RGS7: variants seen among roughly 807,000 people sequenced by gnomAD.
The protein encoded by RGS7 is regulator of G protein signaling 7.
Under a neutral mutation model 81.1 loss-of-function variants are expected in RGS7, and 27 were observed. That is an observed-to-expected ratio of 0.33 (90% CI 0.25 to 0.46). The LOEUF is 0.46. Among genes scored for constraint, RGS7 ranks in the 20% least tolerant of loss-of-function variants. The pLI, the probability that RGS7 is intolerant of heterozygous loss-of-function variation, is 1.00. For synonymous variants in RGS7, 208 were observed against 207.7 expected (o/e 1.00, Z -0.01); for missense variants, 396 against 607.4 (o/e 0.65, Z 3.66).
At chr1:241,061,444 T>C (rs1041416302) in intron 3 of RGS7, among the ~76,000 whole-genome samples, 3 of 152,172 alleles carry the variant, frequency 2.0e-5, no homozygotes, top group African/African-American at 7.2e-5. Context: ...ATGGACAAGT[T>C]CAGAGCTTTA....
intron 2 of RGS7, among the ~76,000 whole-genome samples, chr1:241,263,530 A>C (rs1002383163): frequency 2.2e-4 from 33 of 152,164 alleles, no homozygotes; most frequent in African/African-American, 8.0e-4. Context: ...CTGTGTGGAA[A>C]CCAGTACTTA....
intron 6 of RGS7, among the ~76,000 whole-genome samples, chr1:240,893,865 C>T (rs900367738): frequency 6.6e-6 from 1 of 152,152 alleles, no homozygotes; most frequent in Admixed American, 6.6e-5. Flanking sequence ...TTGACTTGAA[C>T]TTCAAAATTA....
chr1:241,125,354 G>A (rs1206587774), intron 2 of RGS7, among the ~76,000 whole-genome samples: 1 of 151,970 alleles, frequency 6.6e-6, no homozygotes, highest in East Asian at 1.9e-4. Flanking sequence ...TCACTGCACA[G>A]TATTCCAATT....
intron 2 of RGS7, among the ~76,000 whole-genome samples, chr1:241,255,799 G>C (rs1316166234): frequency 6.6e-6 from 1 of 152,182 alleles, no homozygotes; most frequent in Non-Finnish European, 1.5e-5. Flanking sequence ...ACCGCGATGT[G>C]CTTTTCTAAA....
chr1:241,133,269 G>A (rs1302693980), intron 2 of RGS7, among the ~76,000 whole-genome samples: 2 of 150,436 alleles, frequency 1.3e-5, no homozygotes, highest in African/African-American at 4.9e-5. Flanking sequence ...AAATGAAATC[G>A]ACTATATATC....
intron 14 of RGS7, among the ~76,000 whole-genome samples, chr1:240,807,297 T>C (rs1689026468): frequency 6.6e-6 from 1 of 152,186 alleles, no homozygotes; most frequent in South Asian, 2.1e-4. Context: ...AATTTGTTAA[T>C]AGAAACAAAC....
At chr1:241,141,337 C>T (rs181901251) in intron 2 of RGS7, among the ~76,000 whole-genome samples, 28 of 152,308 alleles carry the variant, frequency 1.8e-4, no homozygotes, top group African/African-American at 5.8e-4. Context: ...GGAATCCCCA[C>T]GTGCTGTAAC....
chr1:241,292,977 T>C (rs2079172504), intron 2 of RGS7, among the ~76,000 whole-genome samples: 1 of 152,190 alleles, frequency 6.6e-6, no homozygotes, highest in South Asian at 2.1e-4. Context: ...CATCAGAAAA[T>C]TTGTAGAATG....
At chr1:241,126,891 C>A (rs2103020341) in intron 2 of RGS7, among the ~76,000 whole-genome samples, 1 of 151,950 alleles carries the variant, frequency 6.6e-6, no homozygotes, top group East Asian at 1.9e-4. Flanking sequence ...ATAATTAAAC[C>A]TAATATATCA....
At chr1:241,253,382 C>T (rs2076920761) in intron 2 of RGS7, among the ~76,000 whole-genome samples, 2 of 152,180 alleles carry the variant, frequency 1.3e-5, no homozygotes, top group Non-Finnish European at 2.9e-5. Context: ...TTGCTGTAAA[C>T]GTGTGCCCAC....
At chr1:240,784,712 T>C (rs1377485874) in intron 18 of RGS7, among the ~76,000 whole-genome samples, 1 of 151,662 alleles carries the variant, frequency 6.6e-6, no homozygotes, top group Non-Finnish European at 1.5e-5. Context: ...CCTTTTGCAA[T>C]TCCTGCTTGT....
chr1:241,298,914 A>G (rs1292308365), intron 2 of RGS7, among the ~76,000 whole-genome samples: 1 of 152,186 alleles, frequency 6.6e-6, no homozygotes, highest in Non-Finnish European at 1.5e-5. Flanking sequence ...ATAAGCTTCT[A>G]GAGAAAAAAA....
chr1:241,141,842 AAGTCCAC>A (rs1289084582), intron 2 of RGS7, among the ~76,000 whole-genome samples: 2 of 152,238 alleles, frequency 1.3e-5, no homozygotes, highest in African/African-American at 4.8e-5. Context: ...ATTAACTCAG[AAGTCCAC>A]AGTCCAAAGT....
At chr1:240,821,400 C>T (rs148134302) in intron 10 of RGS7, among the ~76,000 whole-genome samples, 2,410 of 152,132 alleles carry the variant, frequency 0.016, 71 homozygotes, top group African/African-American at 0.055. Context: ...TGCAGTGAGC[C>T]GAGATCCCGC....
At chr1:241,125,709 T>G (rs1458078005) in intron 2 of RGS7, among the ~76,000 whole-genome samples, 1 of 152,150 alleles carries the variant, frequency 6.6e-6, no homozygotes, top group East Asian at 1.9e-4. Context: ...GTGTAAATAT[T>G]TATTACTCTA....
intron 6 of RGS7, among the ~76,000 whole-genome samples, chr1:240,892,750 T>C (rs1277349144): frequency 6.6e-6 from 1 of 152,170 alleles, no homozygotes; most frequent in African/African-American, 2.4e-5. Flanking sequence ...CTCACTTCTA[T>C]TTTCCATGAG....
chr1:240,990,968 T>A (rs1278982311), intron 3 of RGS7, among the ~76,000 whole-genome samples: 2 of 152,252 alleles, frequency 1.3e-5, no homozygotes, highest in African/African-American at 4.8e-5. Flanking sequence ...CTCTGCCCCT[T>A]GCCCTAAGAG....
intron 3 of RGS7, among the ~76,000 whole-genome samples, chr1:241,043,279 G>A (rs2148775627): frequency 6.6e-6 from 1 of 151,412 alleles, no homozygotes; most frequent in East Asian, 1.9e-4. Context: ...TAATACTTTT[G>A]TTACACTATT....
chr1:241,324,280 C>T (rs2081367682), intron 2 of RGS7, among the ~76,000 whole-genome samples: 1 of 151,426 alleles, frequency 6.6e-6, no homozygotes, highest in African/African-American at 2.4e-5. Flanking sequence ...GATTTTAAAC[C>T]TTAGATGTTT....
Sources: allele counts gnomAD v4.1 joint callset (sites outside exome capture counted in the v4.1 genomes callset), GRCh38; gene constraint gnomAD v4.1.1; transcripts MANE v1.5; gene names NCBI Gene and HGNC (gene_info 2026-07-23, HGNC 2026-07-21).